Variants in PCDHGB6 observed in about 807,000 individuals in gnomAD.
PCDHGB6 encodes protocadherin gamma-B6.
PCDHGB6 carries 51 observed loss-of-function variants against 59.1 expected under a neutral mutation model. The ratio of observed to expected loss-of-function variants is 0.86; its 90% CI spans 0.69 to 1.09. PCDHGB6 has a LOEUF of 1.09. Among genes scored for constraint, PCDHGB6 ranks in the 50% least tolerant of loss-of-function variants. The pLI is 0.00. For synonymous variants in PCDHGB6, 466 were observed against 495.1 expected (o/e 0.94, Z 0.78); for missense variants, 1,148 against 1,205.1 (o/e 0.95, Z 0.70).
At chr5:141,413,740 C>A in intron 1 of PCDHGB6, 2 of 1,613,402 alleles carry the variant, frequency 1.2e-6, no homozygotes, top group Non-Finnish European at 1.7e-6. Flanking sequence ...AGTTCAGAGC[C>A]GTGCCAATGG....
chr5:141,487,616 G>A lies in PCDHGB6; in HGVS notation c.2419-7191G>A. On this transcript the variant is annotated intron_variant, in intron 1 of 3. Transcript: ENST00000520790. This position sits in a 1 kb window ranked among gnomAD's most constrained non-coding sequence, Gnocchi z 5.0. ...CTCTGATCTTCTCTATGGGCTAGAG[G>A]TGAGACCTTTGCAGGCTCAACAAAT... 2 of 1,614,220 alleles carry A rather than the reference G, an allele frequency of 1.2e-6. No homozygotes were observed. The highest frequency in any genetic ancestry group is 1.7e-6 in the Non-Finnish European group (2 of 1,180,044).
At chr5:141,430,448 G>T in intron 1 of PCDHGB6, 1 of 192,294 alleles carries the variant, frequency 5.2e-6, no homozygotes. Flanking sequence ...ATCCCCTTTT[G>T]AAGAACAGTA....
intron 1 of PCDHGB6, chr5:141,418,009 C>G (rs780624400): frequency 6.2e-7 from 1 of 1,613,776 alleles, no homozygotes; most frequent in African/African-American, 1.3e-5. Context: ...TGGGGAACCT[C>G]GCTAAGGATC....
At chr5:141,497,969 C>T (rs1595499086) in intron 2 of PCDHGB6, among the ~76,000 whole-genome samples, 1 of 152,160 alleles carries the variant, frequency 6.6e-6, no homozygotes. Flanking sequence ...GCAGTGTTCT[C>T]GATGTGGGAG....
In PCDHGB6 at chr5:141,487,844, A is replaced by T; in HGVS notation, c.2419-6963A>T. The T allele has an allele frequency of 1.9e-6, 2 of 1,043,194 alleles. No individual in the cohort carries two copies. The highest frequency in any genetic ancestry group is 2.7e-6 in the Non-Finnish European group (2 of 730,908). The allele number at this position is 1,043,194 out of a possible 1,614,324, so 64.6% of individuals were successfully genotyped here. ...CGGGTCATGCCTATATCTGAGTAAG[A>T]AATGAAAGTAATTGGTGATCAAGAG... On this transcript the variant is annotated intron_variant, in intron 1 of 3. Transcript: ENST00000520790. This position sits in a 1 kb window ranked among gnomAD's most constrained non-coding sequence, Gnocchi z 5.0.
chr5:141,415,761 T>G (rs1047830043), intron 1 of PCDHGB6: 49 of 1,399,492 alleles, frequency 3.5e-5, no homozygotes, highest in Admixed American at 1.6e-4. Context: ...TTTTTTTTTT[T>G]TTTTTTTTTT....
Position 141,409,000 on chromosome 5 carries a change from C to T in PCDHGB6, c.798C>T (p.Ala266=), listed in dbSNP as rs779251035. ...GGTCCCCTGTGTTGCAAGTGACAGC[C>T]ACTGACCAGGATGAGGGGGTCAATG... The part of the protein sequence containing the change: ...PPGSPVLQVT[A]TDQDEGVNAE... Residue 266 remains alanine, a synonymous_variant, in exon 1 of 4, where the codon GCC becomes GCT. Coordinates refer to ENST00000520790, the MANE Select transcript of PCDHGB6 (RefSeq NM_018926.3). 1 of 1,613,950 alleles carries T rather than the reference C, an allele frequency of 6.2e-7. No homozygotes were observed. Among genetic ancestry groups the T allele is most frequent in the South Asian group, 1.1e-5 (1 of 91,086 alleles).
At chr5:141,497,855 C>T (rs1447484949) in intron 2 of PCDHGB6, among the ~76,000 whole-genome samples, 1 of 152,122 alleles carries the variant, frequency 6.6e-6, no homozygotes, top group Non-Finnish European at 1.5e-5. Flanking sequence ...ATTTTTGATT[C>T]AGCGGCTCCA....
intron 1 of PCDHGB6, among the ~76,000 whole-genome samples, chr5:141,425,812 G>A (rs1472168775): frequency 6.6e-6 from 1 of 152,054 alleles, no homozygotes; most frequent in African/African-American, 2.4e-5. Context: ...CTTCTGCTTA[G>A]AAAAAAACAA....
At chr5:141,434,128 G>A (rs1267483739) in intron 1 of PCDHGB6, among the ~76,000 whole-genome samples, 1 of 152,138 alleles carries the variant, frequency 6.6e-6, no homozygotes, top group Non-Finnish European at 1.5e-5. Flanking sequence ...ACTCCCTTTA[G>A]GCTGATTTCT....
intron 1 of PCDHGB6, among the ~76,000 whole-genome samples, chr5:141,461,001 A>G (rs1309762345): frequency 4.0e-5 from 6 of 150,320 alleles, no homozygotes; most frequent in South Asian, 4.2e-4. Context: ...ATATATGTGT[A>G]TATATATATA....
chr5:141,442,774 AT>A (rs2098342677), intron 1 of PCDHGB6, among the ~76,000 whole-genome samples: 1 of 152,188 alleles, frequency 6.6e-6, no homozygotes, highest in Non-Finnish European at 1.5e-5. Flanking sequence ...TATGTGTTTG[AT>A]TATATTTTAT....
rs747811019 is a variant in PCDHGB6 at position 141,490,069 on chromosome 5, C to T, written c.2419-4738C>T. 6 of 1,614,150 alleles carry T rather than the reference C, an allele frequency of 3.7e-6. No homozygotes were observed. Among genetic ancestry groups the T allele is most frequent in the Non-Finnish European group, 5.1e-6 (6 of 1,180,044 alleles). ...TCCAGACGAGGGCACCAACGGCCAA[C>T]TAGACTATTCTTTTGGAGACCACAC... On this transcript the variant is annotated intron_variant, in intron 1 of 3. Transcript: ENST00000520790. This position sits in a 1 kb window ranked among gnomAD's most constrained non-coding sequence, Gnocchi z 5.4.
chr5:141,489,594 T>A lies in PCDHGB6; in HGVS notation c.2419-5213T>A. The A allele has an allele frequency of 2.5e-6, 4 of 1,614,076 alleles. No homozygotes were observed. Among genetic ancestry groups the A allele is most frequent in the Non-Finnish European group, 3.4e-6 (4 of 1,179,982 alleles). ...CTGAACACCCCCTGGAGCTAATCCG[T>A]GTAGAGGTAGAGATCCTGGATCTCA... On this transcript the variant is annotated intron_variant, in intron 1 of 3. Coordinates refer to ENST00000520790, the MANE Select transcript of PCDHGB6 (RefSeq NM_018926.3). This position sits in a 1 kb window ranked among gnomAD's most constrained non-coding sequence, Gnocchi z 4.5.
Position 141,491,030 on chromosome 5 carries a change from C to T in PCDHGB6, c.2419-3777C>T. ...GTCACCAAGGTGACAGCCGTGGATG[C>T]TGATGCAGGCCACAATGCGTGGCTC... On this transcript the variant is annotated intron_variant, in intron 1 of 3. Transcript: ENST00000520790. The surrounding 1 kb of genome is among the most constrained non-coding windows in gnomAD (Gnocchi z 6.9). 6.2e-7 allele frequency: 1 copy of T among 1,614,148 alleles called. No individual in the cohort carries two copies. Among genetic ancestry groups the T allele is most frequent in the South Asian group, 1.1e-5 (1 of 91,088 alleles).
chr5:141,415,350 G>C, intron 1 of PCDHGB6: 1 of 1,614,228 alleles, frequency 6.2e-7, no homozygotes, highest in Non-Finnish European at 8.5e-7. Context: ...GCTGGCACAA[G>C]TCACGCCTGC....
At position 141,432,952 on chromosome 5, in the gene PCDHGB6, C is replaced by G. The variant is rs2097553312; in HGVS notation, c.2418+22332C>G. ...GCCTGCTGCAGGCTTCAGGAGGCGGCTTGACAGGAGCGCCGGCGTCGCACT... is the reference window on the plus strand; with the variant it reads ...GCCTGCTGCAGGCTTCAGGAGGCGGGTTGACAGGAGCGCCGGCGTCGCACT... On this transcript the variant is annotated intron_variant, in intron 1 of 3. Transcript: ENST00000520790. The surrounding 1 kb of genome is among the most constrained non-coding windows in gnomAD (Gnocchi z 6.0). 1 of 1,614,086 alleles carries G rather than the reference C, an allele frequency of 6.2e-7. No individual in the cohort carries two copies. Among genetic ancestry groups the G allele is most frequent in the South Asian group, 1.1e-5 (1 of 91,090 alleles).
In PCDHGB6 at chr5:141,491,759, G is replaced by C. The variant is rs746395685; in HGVS notation, c.2419-3048G>C. 3 of 1,575,392 alleles carry C rather than the reference G, an allele frequency of 1.9e-6. No individual in the cohort carries two copies. Among genetic ancestry groups the C allele is most frequent in the Non-Finnish European group, 2.6e-6 (3 of 1,161,808 alleles). ...GGGGGCGGCACTGGAGAAGCCGCCC[G>C]TCCTCATAAGGGATTGAACTTGCAT... On this transcript the variant is annotated intron_variant, in intron 1 of 3. Coordinates refer to ENST00000520790, the MANE Select transcript of PCDHGB6 (RefSeq NM_018926.3). The surrounding 1 kb of genome is among the most constrained non-coding windows in gnomAD (Gnocchi z 6.9).
At chr5:141,454,774 G>A (rs1228452126) in intron 1 of PCDHGB6, among the ~76,000 whole-genome samples, 2 of 144,796 alleles carry the variant, frequency 1.4e-5, no homozygotes, top group African/African-American at 2.6e-5. Context: ...TTTTTACAAG[G>A]AAATAATCCT....
Sources: allele counts gnomAD v4.1 joint callset (sites outside exome capture counted in the v4.1 genomes callset), GRCh38; gene constraint gnomAD v4.1.1; non-coding constraint Gnocchi (gnomAD v3.1); transcripts MANE v1.5; gene names NCBI Gene and HGNC (gene_info 2026-07-23, HGNC 2026-07-21).